The following HTR1F variants were observed in gnomAD, a reference collection of about 807,000 sequenced individuals.
HTR1F encodes 5-hydroxytryptamine receptor 1F.
HTR1F carries 17 observed loss-of-function variants against 24.0 expected under a neutral mutation model. That is an observed-to-expected ratio of 0.71 (90% CI 0.48 to 1.06). The LOEUF is 1.06. HTR1F is among the 50% of genes least tolerant of loss of function. HTR1F has a pLI of 0.00. For missense variants in HTR1F, 391 were observed against 427.8 expected, an observed-to-expected ratio of 0.91 and a Z score of 0.76; for synonymous variants, 186 against 156.8, an observed-to-expected ratio of 1.19 and a Z score of -1.39.
intron 2 of HTR1F, among the ~76,000 whole-genome samples, chr3:87,931,520 T>C (rs1704271631): frequency 6.6e-6 from 1 of 152,184 alleles, no homozygotes; most frequent in South Asian, 2.1e-4. Flanking sequence ...CGTGTGCATG[T>C]GTCTTTATAG....
At chr3:87,828,600 G>C (rs973235656) in intron 2 of HTR1F, among the ~76,000 whole-genome samples, 2 of 152,192 alleles carry the variant, frequency 1.3e-5, no homozygotes, top group African/African-American at 4.8e-5. Context: ...CAGTGAATTA[G>C]GCACTGAGTA....
intron 2 of HTR1F, among the ~76,000 whole-genome samples, chr3:87,920,451 G>A (rs1325932551): frequency 3.3e-5 from 5 of 151,826 alleles, no homozygotes; most frequent in African/African-American, 1.2e-4. Context: ...AGACCCTGGA[G>A]AAAATTTAAG....
intron 2 of HTR1F, among the ~76,000 whole-genome samples, chr3:87,947,778 AATC>A (rs1704743243): frequency 9.9e-6 from 1 of 100,848 alleles, no homozygotes; most frequent in African/African-American, 4.1e-5. Flanking sequence ...CAAAAATATT[AATC>A]ATCTTTATAT....
intron 2 of HTR1F, among the ~76,000 whole-genome samples, chr3:87,897,455 G>C (rs1046721974): frequency 6.6e-6 from 1 of 151,922 alleles, no homozygotes; most frequent in Non-Finnish European, 1.5e-5. Flanking sequence ...TCAGATAAGA[G>C]GGCTTATTCA....
chr3:87,883,577 C>A (rs1241309079), intron 2 of HTR1F, among the ~76,000 whole-genome samples: 1 of 151,844 alleles, frequency 6.6e-6, no homozygotes. Flanking sequence ...AAACTAGAAA[C>A]TAAAAAGAAA....
chr3:87,924,778 C>T (rs1704085952), intron 2 of HTR1F, among the ~76,000 whole-genome samples: 1 of 152,048 alleles, frequency 6.6e-6, no homozygotes, highest in Admixed American at 6.6e-5. Flanking sequence ...TGATGCTTTT[C>T]TGTTGCTATT....
intron 2 of HTR1F, among the ~76,000 whole-genome samples, chr3:87,843,002 C>T (rs751845812): frequency 7.9e-5 from 12 of 151,804 alleles, no homozygotes; most frequent in East Asian, 3.9e-4. Flanking sequence ...TTTCCCAGTT[C>T]GGACAAGCTT....
chr3:87,940,061 G>C (rs1704531191), intron 2 of HTR1F, among the ~76,000 whole-genome samples: 1 of 152,156 alleles, frequency 6.6e-6, no homozygotes, highest in African/African-American at 2.4e-5. Flanking sequence ...CTGGTACATT[G>C]TGTCTTTGTT....
At chr3:87,793,965 A>G (rs1703859750) in intron 1 of HTR1F, among the ~76,000 whole-genome samples, 1 of 94,616 alleles carries the variant, frequency 1.1e-5, no homozygotes, top group African/African-American at 3.8e-5. Context: ...TGGATATGCT[A>G]TGCCAAAAAA....
chr3:87,801,631 A>G (rs1352244877), intron 1 of HTR1F, among the ~76,000 whole-genome samples: 2 of 152,174 alleles, frequency 1.3e-5, no homozygotes, highest in Non-Finnish European at 2.9e-5. Flanking sequence ...TAGGTGAGAC[A>G]CACACAGTTG....
intron 2 of HTR1F, among the ~76,000 whole-genome samples, chr3:87,899,201 CA>C (rs1311952255): frequency 2.0e-5 from 3 of 152,128 alleles, no homozygotes; most frequent in African/African-American, 2.4e-5. Context: ...TTAAGGAAAC[CA>C]AAGCAACTGA....
chr3:87,929,596 G>A (rs949647888), intron 2 of HTR1F, among the ~76,000 whole-genome samples: 1 of 152,136 alleles, frequency 6.6e-6, no homozygotes, highest in South Asian at 2.1e-4. Context: ...CTTTGTGGAA[G>A]ATCAGATGGT....
chr3:87,911,660 A>G (rs1172623412), intron 2 of HTR1F, among the ~76,000 whole-genome samples: 3 of 152,152 alleles, frequency 2.0e-5, no homozygotes, highest in Non-Finnish European at 2.9e-5. Context: ...TGATGCAAAA[A>G]TCCTCAATAA....
At chr3:87,942,887 C>G (rs1303071903) in intron 2 of HTR1F, among the ~76,000 whole-genome samples, 2 of 152,104 alleles carry the variant, frequency 1.3e-5, no homozygotes, top group African/African-American at 4.8e-5. Context: ...CTGCAGCTGA[C>G]TGAGTGATAA....
intron 2 of HTR1F, among the ~76,000 whole-genome samples, chr3:87,941,009 G>T (rs1200380533): frequency 6.6e-6 from 1 of 152,162 alleles, no homozygotes; most frequent in Non-Finnish European, 1.5e-5. Flanking sequence ...TCCTTACTCA[G>T]GTAGGCCATG....
intron 2 of HTR1F, among the ~76,000 whole-genome samples, chr3:87,841,923 G>GAA (rs370439117): frequency 8.7e-6 from 1 of 114,982 alleles, no homozygotes; most frequent in Non-Finnish European, 1.8e-5. Context: ...AAAAGAAAAA[G>GAA]AAAAAAAAAA....
At chr3:87,820,412 G>C (rs1359998817) in intron 1 of HTR1F, among the ~76,000 whole-genome samples, 1 of 151,768 alleles carries the variant, frequency 6.6e-6, no homozygotes, top group East Asian at 1.9e-4. Flanking sequence ...TCCTGACCTC[G>C]TGATCCGCCC....
At chr3:87,822,378 A>G (rs2107128093) in intron 2 of HTR1F, among the ~76,000 whole-genome samples, 1 of 152,306 alleles carries the variant, frequency 6.6e-6, no homozygotes, top group Middle Eastern at 3.4e-3. Flanking sequence ...GATGGTGTTA[A>G]GAGAACATTT....
chr3:87,968,843 G>A (rs1401344090), intron 2 of HTR1F, among the ~76,000 whole-genome samples: 1 of 152,190 alleles, frequency 6.6e-6, no homozygotes, highest in African/African-American at 2.4e-5. Flanking sequence ...AGGCCTAGAA[G>A]GCAAAAACGG....
Sources: gnomAD v4.1 joint callset for allele counts (sites outside exome capture counted in the v4.1 genomes callset) on GRCh38, gnomAD v4.1.1 for gene constraint, MANE v1.5 for transcripts, NCBI Gene and HGNC (gene_info 2026-07-23, HGNC 2026-07-21) for gene names.